MGAM2: variants seen among roughly 807,000 people sequenced by gnomAD.
The protein encoded by MGAM2 is maltase-glucoamylase 2 (putative), also known as probable maltase-glucoamylase 2.
In MGAM2, 98 loss-of-function variants were observed where a neutral mutation model predicts 96.1. The observed-to-expected ratio is 1.02, with a 90% CI of 0.87 to 1.21. The LOEUF (loss-of-function observed/expected upper bound fraction) is 1.21. MGAM2 is among the 50% of genes most tolerant of loss of function. MGAM2 has a pLI of 0.00. For missense variants in MGAM2, 2,055 were observed against 1,182.4 expected (o/e 1.74, Z -10.82); for synonymous variants, 749 against 414.8 (o/e 1.81, Z -9.79).
chr7:142,199,870 T>TC lies in MGAM2; in HGVS notation c.5049-10_5049-9insC. The TC allele has an allele frequency of 1.5e-6, 1 of 679,168 alleles. No homozygotes were observed. Among genetic ancestry groups the TC allele is most frequent in the East Asian group, 2.7e-5 (1 of 37,100 alleles). 42.1% of individuals were successfully genotyped at this position (679,168 alleles called of 1,614,324 possible). On this transcript the variant is annotated splice_polypyrimidine_tract_variant and intron_variant, in intron 44 of 47. Coordinates refer to ENST00000477922, the MANE Select transcript of MGAM2 (RefSeq NM_001293626.2). ...TAGAGAAAAATAACTCTTTTTTTTT[T>TC]TTTTGGTAGTCGACAAAATTTTATG... is the stretch of plus-strand genomic sequence containing the variant.
intron 45 of MGAM2, among the ~76,000 whole-genome samples, chr7:142,207,822 C>T (rs541506521): frequency 6.6e-6 from 1 of 152,104 alleles, no homozygotes; most frequent in Non-Finnish European, 1.5e-5. Context: ...ATTATCAGAA[C>T]AGAGTACTCT....
chr7:142,187,926 GACAGAA>G (rs1234701489), intron 36 of MGAM2, 92 bp downstream of exon 36: 1 of 638,518 alleles, frequency 1.6e-6, no homozygotes, highest in African/African-American at 1.8e-5. Flanking sequence ...TAATGTTGAA[GACAGAA>G]ACCATTCTCC....
In MGAM2 at chr7:142,167,376, C is replaced by T; in HGVS notation, c.2917C>T (p.Pro973Ser). 1 of 702,960 alleles carries T rather than the reference C, an allele frequency of 1.4e-6. No homozygotes were observed. The highest frequency in any genetic ancestry group is 1.5e-5 in the South Asian group (1 of 67,596). The allele number at this position is 702,960 out of a possible 1,614,324, so 43.5% of individuals were successfully genotyped here. ...CAGCATCACTGCAGACCTTTCCCTC[C>T]CGATGGCCCCTGAGTCAGCTGCTGC... The part of the protein sequence containing the change: ...NTSITADLSL[P>S]MAPESAAAAA... Residue 973 changes from proline (P) to serine (S), a missense_variant, in exon 26 of 48, where the codon CCG becomes TCG. By Grantham distance (74) the Pro-to-Ser change is moderately conservative (BLOSUM62 -1). Transcript: ENST00000477922.
chr7:142,205,663 C>T (rs1364537370), intron 45 of MGAM2, among the ~76,000 whole-genome samples: 3 of 151,862 alleles, frequency 2.0e-5, no homozygotes, highest in Non-Finnish European at 4.4e-5. Context: ...TTAAAGTGTC[C>T]TTATTATTGA....
rs1465184625 is a variant in MGAM2 at position 142,130,914 on chromosome 7, T to A, written c.187-34T>A. On this transcript the variant is annotated intron_variant, in intron 3 of 47. Transcript: ENST00000477922. ...ACAGATAATACTTTCCTTCCCTCAG[T>A]TTATATACTGCTAACTCTGTGTCAT... is the stretch of plus-strand genomic sequence containing the variant. 3 of 700,558 alleles carry A rather than the reference T, an allele frequency of 4.3e-6. No individual in the cohort carries two copies. The East Asian group carries it at 8.1e-5, about 19-fold the overall frequency. The allele number at this position is 700,558 out of a possible 1,614,324, so 43.4% of individuals were successfully genotyped here.
intron 45 of MGAM2, among the ~76,000 whole-genome samples, chr7:142,201,475 G>A (rs1797230798): frequency 6.6e-6 from 1 of 152,064 alleles, no homozygotes; most frequent in South Asian, 2.1e-4. Flanking sequence ...CTTTAAAAAA[G>A]TTGTGATTTA....
chr7:142,176,399 A>G (rs1796380069), intron 32 of MGAM2, among the ~76,000 whole-genome samples: 1 of 152,200 alleles, frequency 6.6e-6, no homozygotes, highest in Admixed American at 6.5e-5. Context: ...ACTTTTGCTC[A>G]CTTACTAATT....
At chr7:142,124,045 T>C (rs148424808) in intron 3 of MGAM2, among the ~76,000 whole-genome samples, 16,309 of 145,404 alleles carry the variant, frequency 0.11, 1,107 homozygotes, top group Admixed American at 0.24. Context: ...CAATCTTGGC[T>C]CACTGCAACC....
chr7:142,215,089 G>C (rs1000389059), intron 46 of MGAM2, among the ~76,000 whole-genome samples: 4 of 152,118 alleles, frequency 2.6e-5, no homozygotes, highest in Non-Finnish European at 5.9e-5. Context: ...AAGAAAATGT[G>C]GCACATATAT....
chr7:142,200,045 T>C, intron 45 of MGAM2, 77 bp downstream of exon 45: 1 of 553,204 alleles, frequency 1.8e-6, no homozygotes, highest in Non-Finnish European at 3.2e-6. Flanking sequence ...ATAACTAACA[T>C]GAACTGAAAA....
intron 45 of MGAM2, among the ~76,000 whole-genome samples, chr7:142,206,265 A>T (rs1407365836): frequency 6.6e-6 from 1 of 152,174 alleles, no homozygotes; most frequent in Non-Finnish European, 1.5e-5. Context: ...CCTTATTTTA[A>T]AGCGGTTTTT....
chr7:142,199,478 G>C (rs973069290), intron 44 of MGAM2, among the ~76,000 whole-genome samples: 3 of 63,558 alleles, frequency 4.7e-5, no homozygotes, highest in African/African-American at 1.9e-4. Context: ...TAAAGGAAGA[G>C]ATAAAAATAA....
chr7:142,182,140 A>G (rs10256832), intron 32 of MGAM2, among the ~76,000 whole-genome samples: 76,787 of 151,844 alleles, frequency 0.51, 20,587 homozygotes, highest in African/African-American at 0.69. Context: ...CTCCTCCCCT[A>G]CTCAAGCCTC....
At chr7:142,137,316 T>C (rs1160830328) in intron 8 of MGAM2, 117 bp from the exon 9 acceptor site, 5 of 489,350 alleles carry the variant, frequency 1.0e-5, no homozygotes, top group Non-Finnish European at 1.8e-5. Flanking sequence ...ACAGTGTGAT[T>C]TTCATCCCTT....
At chr7:142,179,270 G>T (rs997470436) in intron 32 of MGAM2, among the ~76,000 whole-genome samples, 1 of 152,122 alleles carries the variant, frequency 6.6e-6, no homozygotes, top group African/African-American at 2.4e-5. Context: ...AGTGTTTAGG[G>T]TTTTCTAGGT....
At chr7:142,133,218 A>G (rs955947589) in intron 6 of MGAM2, among the ~76,000 whole-genome samples, 11 of 142,788 alleles carry the variant, frequency 7.7e-5, no homozygotes, top group African/African-American at 2.8e-4. Flanking sequence ...ATATAAATAT[A>G]TATTTTACAT....
chr7:142,209,943 T>C (rs2129105052), intron 46 of MGAM2, among the ~76,000 whole-genome samples: 1 of 152,356 alleles, frequency 6.6e-6, no homozygotes, highest in South Asian at 2.1e-4. Flanking sequence ...GGAACAGCTC[T>C]GGCCTGCAGC....
intron 26 of MGAM2, 148 bp downstream of exon 26, chr7:142,167,634 A>G (rs1285221114): frequency 3.2e-6 from 2 of 620,836 alleles, no homozygotes; most frequent in Non-Finnish European, 5.8e-6. Flanking sequence ...ATGCAGGGGC[A>G]CAATCTCAGG....
At chr7:142,171,707 TTTTA>T (rs1554508965) in intron 28 of MGAM2, among the ~76,000 whole-genome samples, 1 of 144,550 alleles carries the variant, frequency 6.9e-6, no homozygotes, top group Non-Finnish European at 1.5e-5. Context: ...CAGTTATGGA[TTTTA>T]TTTATCTCAC....
Sources: gnomAD v4.1 joint callset for allele counts (sites outside exome capture counted in the v4.1 genomes callset) on GRCh38, gnomAD v4.1.1 for gene constraint, MANE v1.5 for transcripts, NCBI Gene and HGNC (gene_info 2026-07-23, HGNC 2026-07-21) for gene names.